Variants in BRD3 observed in about 807,000 individuals in gnomAD.
BRD3 encodes the protein bromodomain-containing protein 3.
BRD3 carries 17 observed loss-of-function variants against 66.8 expected under a neutral mutation model. The ratio of observed to expected loss-of-function variants is 0.25; its 90% confidence interval spans 0.17 to 0.38. The LOEUF (loss-of-function observed/expected upper bound fraction) is 0.38, where lower values mean the gene tolerates loss of function less well. Among genes scored for constraint, BRD3 ranks in the 10% least tolerant of loss-of-function variants. The pLI, the probability that BRD3 is intolerant of heterozygous loss-of-function variation, is 1.00. For synonymous variants in BRD3, 421 were observed against 393.2 expected, an observed-to-expected ratio of 1.07 and a Z score of -0.84; for missense variants, 713 against 956.1, an observed-to-expected ratio of 0.75 and a Z score of 3.35.
At position 134,034,664 on chromosome 9, in the gene BRD3, C is replaced by A. The variant is rs543423463; in HGVS notation, c.2065+37G>T. 12 of 1,599,458 alleles carry A rather than the reference C, an allele frequency of 7.5e-6. No homozygotes were observed. In the East Asian group the frequency reaches 1.8e-4, roughly 24 times the overall value. On this transcript the variant is annotated intron_variant, in intron 11 of 11. Transcript: ENST00000303407. ...CCCCTACTGCTGACACCCCCCACCC[C>A]CCTAAAGAGGGGTGGCACAGCGGCC...
In BRD3 at chr9:134,041,805, G is replaced by C. The variant is rs1830053466; in HGVS notation, c.1362C>G (p.Asp454Glu). The C allele has an allele frequency of 2.5e-6, 4 of 1,612,544 alleles. No homozygotes were observed. Among genetic ancestry groups the C allele is most frequent in the African/African-American group, 1.3e-5 (1 of 74,926 alleles). The part of the protein sequence containing the change: ...EESSSDSGSS[D>E]SEEERATRLA... ...GCCTGGTGGCCCGCTCCTCCTCCGA[G>C]TCCGAGCTGCCTGAGTCCGAAGAGC... Residue 454 changes from aspartate to glutamate, a missense_variant, in exon 8 of 12, where the codon GAC (aspartate) becomes GAG (glutamate). Physicochemically the swap from Asp to Glu is conservative, Grantham distance 45 (BLOSUM62 2). Around this residue, in one of 5 missense-constraint regions of BRD3, gnomAD observed 418 missense variants for 609.3 expected, o/e 0.69. Coordinates refer to ENST00000303407, the MANE Select transcript of BRD3 (RefSeq NM_007371.4).
rs2132392374 is a variant in BRD3, at chr9:134,040,022, T to G, written c.1643+12A>C. Reference sequence around the variant, plus strand: ...GCTGGGCTCTTGGAGCCCGAGCAGGTCTGGAGCCCACCTGCCGGCCGTGGT... The same window carrying G: ...GCTGGGCTCTTGGAGCCCGAGCAGGGCTGGAGCCCACCTGCCGGCCGTGGT... On this transcript the variant is annotated intron_variant, in intron 9 of 11. Coordinates refer to ENST00000303407, the MANE Select transcript of BRD3 (RefSeq NM_007371.4). 3.8e-6 allele frequency: 6 copies of G among 1,580,524 alleles called. No individual in the cohort carries two copies. Among genetic ancestry groups the G allele is most frequent in the Non-Finnish European group, 5.1e-6 (6 of 1,166,902 alleles).
chr9:134,052,821 G>A (rs1407999682), intron 2 of BRD3, among the ~76,000 whole-genome samples: 4 of 152,224 alleles, frequency 2.6e-5, no homozygotes, highest in Non-Finnish European at 5.9e-5. Context: ...AATGCTCAGG[G>A]TTTGTCTATT....
chr9:134,033,789 C>T lies in BRD3; in HGVS notation c.2066-84G>A. ...GCATGTCGTCCATGCCAGCGTGACA[C>T]CATCACACTGGGTGCCACGACCCAC... On this transcript the variant is annotated intron_variant, in intron 11 of 11. Coordinates refer to ENST00000303407, the MANE Select transcript of BRD3 (RefSeq NM_007371.4). The surrounding 1 kb of genome is among the most constrained non-coding windows in gnomAD (Gnocchi z 5.1). The T allele has an allele frequency of 1.5e-6, 1 of 647,320 alleles. No homozygotes were observed. The highest frequency in any genetic ancestry group is 2.8e-6 in the Non-Finnish European group (1 of 354,110). 40.1% of individuals were successfully genotyped at this position (647,320 alleles called of 1,614,324 possible). A position where few individuals can be genotyped will look rare whatever the true frequency, so the allele number is the denominator to read the frequency against.
chr9:134,050,251 G>A, intron 5 of BRD3, 123 bp downstream of exon 5: 2 of 873,288 alleles, frequency 2.3e-6, no homozygotes, highest in Non-Finnish European at 3.5e-6. Flanking sequence ...GGCGCAGAGA[G>A]AAACACTCCC....
chr9:134,052,259 G>A (rs542081536), intron 3 of BRD3, 47 bp downstream of exon 3: 28 of 1,603,912 alleles, frequency 1.7e-5, no homozygotes, highest in Middle Eastern at 2.3e-4. Context: ...GTTGCACAGC[G>A]CCCCAATCCT....
At chr9:134,036,408 C>T (rs935161076) in intron 9 of BRD3, 84 bp from the exon 10 acceptor site, 8 of 1,572,146 alleles carry the variant, frequency 5.1e-6, no homozygotes, top group Non-Finnish European at 6.0e-6. Context: ...TTCCTCCCAA[C>T]AGCAGGCTGC....
chr9:134,034,284 G>C (rs1332980372), intron 11 of BRD3, among the ~76,000 whole-genome samples: 1 of 152,262 alleles, frequency 6.6e-6, no homozygotes, highest in Non-Finnish European at 1.5e-5. Flanking sequence ...CAAAGGACCT[G>C]GCAAAGCGCA....
chr9:134,063,877 G>A (rs531098610), intron 1 of BRD3, among the ~76,000 whole-genome samples: 14 of 152,270 alleles, frequency 9.2e-5, no homozygotes, highest in African/African-American at 1.7e-4. Flanking sequence ...CACCCTCAGC[G>A]GGACACTTTT....
chr9:134,062,955 A>C (rs949317539), intron 1 of BRD3, among the ~76,000 whole-genome samples: 3 of 152,126 alleles, frequency 2.0e-5, no homozygotes, highest in Non-Finnish European at 4.4e-5. Context: ...GCACTTCCTA[A>C]AACAAAGCTG....
At chr9:134,051,975 C>T (rs1023228298) in intron 3 of BRD3, among the ~76,000 whole-genome samples, 1 of 150,324 alleles carries the variant, frequency 6.7e-6, no homozygotes, top group Non-Finnish European at 1.5e-5. Flanking sequence ...ACTGCAACCT[C>T]CACCTCCCGG....
intron 5 of BRD3, among the ~76,000 whole-genome samples, chr9:134,049,300 C>T (rs949609590): frequency 6.6e-6 from 1 of 152,196 alleles, no homozygotes; most frequent in African/African-American, 2.4e-5. Flanking sequence ...GCTCAGTGTG[C>T]ACCCTGAGAC....
At chr9:134,047,668 C>T (rs1275754946) in intron 6 of BRD3, among the ~76,000 whole-genome samples, 2 of 152,204 alleles carry the variant, frequency 1.3e-5, no homozygotes, top group Non-Finnish European at 2.9e-5. Context: ...GCCAGGCCAT[C>T]CCCACTGGCC....
chr9:134,055,083 C>A (rs1830388793), intron 1 of BRD3, among the ~76,000 whole-genome samples: 1 of 152,162 alleles, frequency 6.6e-6, no homozygotes, highest in Non-Finnish European at 1.5e-5. Context: ...TGCTCACAGC[C>A]CCAGGCTGCA....
intron 7 of BRD3, among the ~76,000 whole-genome samples, chr9:134,042,642 T>TAC (rs1317188449): frequency 9.8e-5 from 11 of 112,680 alleles, no homozygotes; most frequent in Non-Finnish European, 1.8e-4. Flanking sequence ...GCCTCAAATA[T>TAC]ATATACACAC....
In BRD3 at chr9:134,045,386, C is replaced by A; in HGVS notation, c.1122G>T (p.Gln374His). Residue 374 changes from glutamine to histidine, a missense_variant, in exon 7 of 12, where the codon CAG becomes CAT. This residue lies in a region of BRD3 where 418 missense variants were observed against 609.3 expected (regional missense o/e 0.69). Transcript: ENST00000303407. The surrounding 1 kb of genome is among the most constrained non-coding windows in gnomAD (Gnocchi z 4.8). Reference sequence around the variant, plus strand: ...TCAGCCGGACATCAGCAGCAAAGCCCTGTGCGTCTGGGTACTCTCGGCCAT... The same window carrying A: ...TCAGCCGGACATCAGCAGCAAAGCCATGTGCGTCTGGGTACTCTCGGCCAT... ...KMDGREYPDA[Q>H]GFAADVRLMF... The A allele has an allele frequency of 6.2e-7, 1 of 1,613,702 alleles. No homozygotes were observed.
rs1588268475 is a variant in BRD3 at position 134,032,962 on chromosome 9, A to T, written c.*628T>A. On this transcript the variant is annotated 3_prime_UTR_variant, in exon 12 of 12. Transcript: ENST00000303407. ...CTCTGTTCCCTCCGAGGAGCTCCTG[A>T]CATCACCACGAGCGGAGAACGCACA... 2 of 394,098 alleles carry T rather than the reference A, an allele frequency of 5.1e-6. No homozygotes were observed. Among genetic ancestry groups the T allele is most frequent in the East Asian group, 7.2e-5 (2 of 27,870 alleles). 24.4% of individuals were successfully genotyped at this position (394,098 alleles called of 1,614,324 possible).
intron 1 of BRD3, chr9:134,054,470 TG>T (rs1029719512): frequency 4.2e-4 from 64 of 152,444 alleles, no homozygotes; most frequent in African/African-American, 1.4e-3. Context: ...CCCTGCGGCG[TG>T]GCCCCGTGTC....
chr9:134,059,880 T>C (rs890126363), intron 1 of BRD3, among the ~76,000 whole-genome samples: 1 of 152,166 alleles, frequency 6.6e-6, no homozygotes, highest in African/African-American at 2.4e-5. Context: ...AGCCTTGTCC[T>C]CAGCAAACGC....
Sources: allele counts gnomAD v4.1 joint callset (sites outside exome capture counted in the v4.1 genomes callset), GRCh38; gene constraint gnomAD v4.1.1; regional missense constraint gnomAD v4.1.1; non-coding constraint Gnocchi (gnomAD v3.1); transcripts MANE v1.5; gene names NCBI Gene and HGNC (gene_info 2026-07-23, HGNC 2026-07-21).